SGCZ: variants seen among roughly 807,000 people sequenced by gnomAD.
SGCZ encodes zeta-sarcoglycan.
In SGCZ, 40 loss-of-function variants were observed where a neutral mutation model predicts 41.3. The observed-to-expected ratio is 0.97, with a 90% confidence interval of 0.75 to 1.26. The LOEUF (loss-of-function observed/expected upper bound fraction) is 1.26, where lower values mean the gene tolerates loss of function less well. SGCZ is among the 50% of genes most tolerant of loss of function. SGCZ has a pLI of 0.00. For synonymous variants in SGCZ, 206 were observed against 137.5 expected (o/e 1.50, Z -3.49); for missense variants, 552 against 369.8 (o/e 1.49, Z -4.04).
chr8:14,656,357 TCTTC>T lies in SGCZ; in HGVS notation c.40-101435_40-101432del, dbSNP rs375948435. ...TCCCTCCCTTCCTTCTCTCCTTCCT[TCTTC>T]CTTTTCTTTTCGTTTTTTCTTCTTT... On this transcript the variant is annotated intron_variant, in intron 1 of 7. Transcript: ENST00000382080. Among the ~76,000 whole-genome samples the T allele has an allele frequency of 4.8e-3, 728 of 150,424 alleles. 13 individuals carry two copies. In the East Asian group the frequency reaches 0.052, roughly 11 times the overall value.
chr8:15,199,258 A>G (rs1800823088), intron 1 of SGCZ, among the ~76,000 whole-genome samples: 3 of 152,190 alleles, frequency 2.0e-5, no homozygotes, highest in Admixed American at 2.0e-4. Flanking sequence ...TGCATTGTTA[A>G]TCTTTTACAA....
intron 2 of SGCZ, among the ~76,000 whole-genome samples, chr8:14,334,552 G>T (rs1802445416): frequency 6.6e-6 from 1 of 151,936 alleles, no homozygotes; most frequent in Non-Finnish European, 1.5e-5. Context: ...TTCATTATTA[G>T]TTTAACTATT....
At chr8:14,238,821 T>C (rs1806862461) in intron 3 of SGCZ, among the ~76,000 whole-genome samples, 1 of 152,082 alleles carries the variant, frequency 6.6e-6, no homozygotes, top group Non-Finnish European at 1.5e-5. Context: ...GATGCTGAAA[T>C]ACTATGAAAA....
At chr8:14,791,007 G>A (rs1393618325) in intron 1 of SGCZ, among the ~76,000 whole-genome samples, 2 of 150,338 alleles carry the variant, frequency 1.3e-5, no homozygotes, top group South Asian at 4.2e-4. Context: ...CTCAAGCCTG[G>A]GCAACAGAGT....
At chr8:14,675,822 A>T (rs1808259940) in intron 1 of SGCZ, among the ~76,000 whole-genome samples, 1 of 152,206 alleles carries the variant, frequency 6.6e-6, no homozygotes, top group Non-Finnish European at 1.5e-5. Context: ...CATTGCATGG[A>T]ATGAATTTCC....
chr8:14,514,581 A>G (rs1179569633), intron 2 of SGCZ, among the ~76,000 whole-genome samples: 5 of 150,846 alleles, frequency 3.3e-5, no homozygotes, highest in Non-Finnish European at 7.4e-5. Context: ...TCATACATAT[A>G]TATTACATTT....
rs147959507 is a variant in SGCZ, at chr8:15,020,490, C to T, written c.39+217095G>A. Among the ~76,000 whole-genome samples, 38 of 152,224 alleles carry T rather than the reference C, an allele frequency of 2.5e-4. 1 individual carries two copies. The East Asian group carries it at 6.0e-3, about 24-fold the overall frequency. ...ATATGAGGAGATGTTCTTATGCATA[C>T]TGTCAATGCGGCTGGCTCTCATTAT... On this transcript the variant is annotated intron_variant, in intron 1 of 7. Transcript: ENST00000382080.
chr8:14,703,645 C>T (rs1308383343), intron 1 of SGCZ, among the ~76,000 whole-genome samples: 1 of 151,960 alleles, frequency 6.6e-6, no homozygotes, highest in African/African-American at 2.4e-5. Context: ...TGCAGCTATA[C>T]ATTCTTGTAT....
At chr8:14,192,740 A>T (rs751698353) in intron 4 of SGCZ, among the ~76,000 whole-genome samples, 4 of 152,056 alleles carry the variant, frequency 2.6e-5, no homozygotes, top group Non-Finnish European at 5.9e-5. Flanking sequence ...TGTTAGACAT[A>T]AACTTCTGTA....
At chr8:15,018,552 G>T (rs1234656222) in intron 1 of SGCZ, among the ~76,000 whole-genome samples, 1 of 152,148 alleles carries the variant, frequency 6.6e-6, no homozygotes, top group African/African-American at 2.4e-5. Flanking sequence ...AGAGGGAAGA[G>T]CTGGTGCAAA....
chr8:14,185,841 T>C (rs1005819071), intron 4 of SGCZ, among the ~76,000 whole-genome samples: 6 of 152,226 alleles, frequency 3.9e-5, no homozygotes, highest in Non-Finnish European at 7.3e-5. Context: ...ACCCCTTCTC[T>C]ACTTATATTC....
At chr8:14,165,743 CTTTA>C (rs1008310689) in intron 4 of SGCZ, among the ~76,000 whole-genome samples, 1 of 152,128 alleles carries the variant, frequency 6.6e-6, no homozygotes, top group African/African-American at 2.4e-5. Flanking sequence ...TATGTATTCA[CTTTA>C]TTTATTAGAT....
At chr8:14,431,577 T>A (rs1376510690) in intron 2 of SGCZ, among the ~76,000 whole-genome samples, 2 of 152,174 alleles carry the variant, frequency 1.3e-5, no homozygotes, top group South Asian at 4.1e-4. Context: ...GACTTGAAAC[T>A]ATAAAAATTC....
chr8:14,890,667 A>G (rs563705810), intron 1 of SGCZ, among the ~76,000 whole-genome samples: 4 of 152,356 alleles, frequency 2.6e-5, no homozygotes, highest in African/African-American at 7.2e-5. Flanking sequence ...ATAATTGATG[A>G]AAGTGGCTAT....
At chr8:14,428,503 G>C (rs566216717) in intron 2 of SGCZ, among the ~76,000 whole-genome samples, 25 of 152,082 alleles carry the variant, frequency 1.6e-4, no homozygotes, top group Non-Finnish European at 3.7e-4. Flanking sequence ...AGAAATTAGA[G>C]TTGTATGTAT....
chr8:14,127,037 C>T (rs1184132394), intron 5 of SGCZ, among the ~76,000 whole-genome samples: 2 of 151,936 alleles, frequency 1.3e-5, no homozygotes, highest in Admixed American at 6.6e-5. Flanking sequence ...GGCTTAATAC[C>T]GAGGTGACAA....
intron 4 of SGCZ, among the ~76,000 whole-genome samples, chr8:14,198,798 C>A (rs954139293): frequency 4.6e-5 from 7 of 152,134 alleles, no homozygotes; most frequent in African/African-American, 1.7e-4. Context: ...TTTAAAATTT[C>A]TTATGCCTGT....
At chr8:14,883,606 C>T (rs1037789413) in intron 1 of SGCZ, among the ~76,000 whole-genome samples, 6 of 152,056 alleles carry the variant, frequency 3.9e-5, no homozygotes, top group East Asian at 1.9e-4. Context: ...TTCACTCTTT[C>T]GGGTCTAGTT....
At chr8:14,312,721 G>T (rs1801589586) in intron 3 of SGCZ, among the ~76,000 whole-genome samples, 2 of 151,976 alleles carry the variant, frequency 1.3e-5, no homozygotes, top group African/African-American at 4.8e-5. Flanking sequence ...AGGAGGAAGA[G>T]GAAGGGAAAT....
Sources: allele counts gnomAD v4.1 joint callset (sites outside exome capture counted in the v4.1 genomes callset), GRCh38; gene constraint gnomAD v4.1.1; transcripts MANE v1.5; gene names NCBI Gene and HGNC (gene_info 2026-07-23, HGNC 2026-07-21).